BLZF1: variants seen among roughly 807,000 people sequenced by gnomAD.
The protein encoded by BLZF1 is golgin-45.
BLZF1 carries 39 observed loss-of-function variants against 43.8 expected under a neutral mutation model. That is an observed-to-expected ratio of 0.89 (90% CI 0.69 to 1.16). BLZF1 has a LOEUF of 1.16. Ranked by LOEUF, BLZF1 falls within the 50% of genes most tolerant of loss-of-function variation. The pLI is 0.00. For synonymous variants in BLZF1, 136 were observed against 159.4 expected (o/e 0.85, Z 1.11); for missense variants, 449 against 469.8 (o/e 0.96, Z 0.41).
At chr1:169,377,156 TA>T in intron 3 of BLZF1, 177 bp downstream of exon 3, 1 of 626,246 alleles carries the variant, frequency 1.6e-6, no homozygotes, top group South Asian at 2.1e-5. Context: ...GGATACTTTA[TA>T]TTGGGAACTT....
At chr1:169,385,915 G>A (rs772449278) in intron 6 of BLZF1, among the ~76,000 whole-genome samples, 11 of 152,172 alleles carry the variant, frequency 7.2e-5, no homozygotes, top group Non-Finnish European at 1.3e-4. Flanking sequence ...AAGAAAGAGA[G>A]AAAGCACTTT....
chr1:169,391,412 G>GC (rs1654811903), downstream of BLZF1, among the ~76,000 whole-genome samples: 1 of 152,152 alleles, frequency 6.6e-6, no homozygotes, highest in South Asian at 2.1e-4. Context: ...CTGTCTCCTT[G>GC]CAAGCCACTG....
chr1:169,389,246 A>G (rs1028671565), downstream of BLZF1, among the ~76,000 whole-genome samples: 2 of 152,122 alleles, frequency 1.3e-5, no homozygotes, highest in African/African-American at 4.8e-5. Context: ...GTGAGCCGAG[A>G]TCGCGCCATT....
downstream of BLZF1, among the ~76,000 whole-genome samples, chr1:169,390,369 CAA>C (rs1355930046): frequency 4.6e-5 from 7 of 151,806 alleles, no homozygotes; most frequent in Non-Finnish European, 7.4e-5. Context: ...AATAGAAAAA[CAA>C]GAGAGATCAA....
intron 4 of BLZF1, among the ~76,000 whole-genome samples, chr1:169,380,142 A>C (rs1368650046): frequency 1.3e-5 from 2 of 151,874 alleles, no homozygotes; most frequent in South Asian, 4.1e-4. Flanking sequence ...TTGTCTCTTT[A>C]AGTTTTTCTG....
chr1:169,382,201 A>G lies in BLZF1; in HGVS notation c.937A>G (p.Asn313Asp), dbSNP rs1404526913. Reference protein sequence around the residue: ...AKAVNSHLLGNVGINNQKKIP... With the variant: ...AKAVNSHLLGDVGINNQKKIP... The stretch of plus-strand genomic sequence containing the variant: ...AGCAGTAAATTCTCATCTTCTGGGA[A>G]ATGTTGGCATTAACAATCAAAAAAA... Residue 313 changes from asparagine to aspartate, a missense_variant, in exon 6 of 7, where the codon AAT becomes GAT. Transcript: ENST00000367808. The G allele has an allele frequency of 2.5e-6, 4 of 1,613,808 alleles. No homozygotes were observed. Among genetic ancestry groups the G allele is most frequent in the Non-Finnish European group, 3.4e-6 (4 of 1,179,712 alleles).
chr1:169,389,183 A>G (rs1654757130), downstream of BLZF1, among the ~76,000 whole-genome samples: 1 of 150,646 alleles, frequency 6.6e-6, no homozygotes, highest in African/African-American at 2.4e-5. Context: ...ATACCCAGCT[A>G]CTGGAGAGGG....
At chr1:169,375,588 T>C (rs1654292494) in intron 2 of BLZF1, among the ~76,000 whole-genome samples, 1 of 150,654 alleles carries the variant, frequency 6.6e-6, no homozygotes, top group South Asian at 2.1e-4. Flanking sequence ...TATCTTTTTA[T>C]ATGTATGTTC....
intron 2 of BLZF1, among the ~76,000 whole-genome samples, chr1:169,372,012 T>C (rs3766095): frequency 0.67 from 101,662 of 152,046 alleles, 34,209 homozygotes; most frequent in East Asian, 0.93. Context: ...CTAATGTACA[T>C]TGAAACTCTG....
intron 7 of BLZF1, among the ~76,000 whole-genome samples, chr1:169,393,573 T>G (rs1322143448): frequency 1.4e-5 from 2 of 145,966 alleles, no homozygotes; most frequent in African/African-American, 2.5e-5. Context: ...TGGGAGACTG[T>G]GAGACTGTCT....
chr1:169,378,538 T>C lies in BLZF1; in HGVS notation c.668+9T>C. 6.2e-7 allele frequency: 1 copy of C among 1,610,570 alleles called. No homozygotes were observed. Among genetic ancestry groups the C allele is most frequent in the Non-Finnish European group, 8.5e-7 (1 of 1,177,402 alleles). On this transcript the variant is annotated intron_variant, in intron 4 of 6. Transcript: ENST00000367808. ...AAATTCCTTGCAAGCAGGTATTTTC[T>C]ACAGCAAATAGTATTTCACTTCCTA... is the stretch of plus-strand genomic sequence containing the variant.
At chr1:169,382,525 G>T (rs1654556196) in intron 6 of BLZF1, among the ~76,000 whole-genome samples, 1 of 152,122 alleles carries the variant, frequency 6.6e-6, no homozygotes, top group Non-Finnish European at 1.5e-5. Flanking sequence ...CTATGTTTTA[G>T]CTATTAAGTC....
At chr1:169,390,368 ACAAGAGAGAT>A (rs926132408), downstream of BLZF1, among the ~76,000 whole-genome samples, 47 of 152,272 alleles carry the variant, frequency 3.1e-4, no homozygotes, top group African/African-American at 9.1e-4. Context: ...GAATAGAAAA[ACAAGAGAGAT>A]CAAAGAAGTC....
intron 2 of BLZF1, among the ~76,000 whole-genome samples, chr1:169,375,391 A>AAAATATATATAT (rs1557846915): frequency 3.9e-5 from 2 of 51,842 alleles, no homozygotes; most frequent in African/African-American, 7.9e-5. Context: ...ATATATATAA[A>AAAATATATATAT]ACATATATAT....
chr1:169,378,374 T>A lies in BLZF1; in HGVS notation c.513T>A (p.Asp171Glu). The stretch of plus-strand genomic sequence containing the variant: ...AGTTACTGGTGGCTTCTGTTGGGGA[T>A]GATCTTCAGTATCACTTTGAACGTC... ...LKKLLVASVG[D>E]DLQYHFERLA... is the part of the protein sequence containing the mutation. The change falls in exon 4 of 7, where the codon GAT becomes GAA. Residue 171 changes from aspartate to glutamate, a missense_variant. Physicochemically the swap from Asp to Glu is conservative, Grantham distance 45. Transcript: ENST00000367808. The A allele has an allele frequency of 6.2e-7, 1 of 1,612,968 alleles. No individual in the cohort carries two copies. Among genetic ancestry groups the A allele is most frequent in the East Asian group, 2.2e-5 (1 of 44,848 alleles).
At chr1:169,388,816 C>T (rs368440343), downstream of BLZF1, among the ~76,000 whole-genome samples, 1 of 151,954 alleles carries the variant, frequency 6.6e-6, no homozygotes, top group African/African-American at 2.4e-5. Flanking sequence ...GAAACCCCAT[C>T]TCTACTAAGA....
chr1:169,381,234 A>G (rs2102015815), intron 5 of BLZF1, among the ~76,000 whole-genome samples: 1 of 152,238 alleles, frequency 6.6e-6, no homozygotes, highest in South Asian at 2.1e-4. Flanking sequence ...CATAAAAAAG[A>G]TAATACAGAA....
rs1162073100 is a variant in BLZF1, at chr1:169,382,272, G to A, written c.1008G>A (p.Met336Ile). 4 of 1,612,690 alleles carry A rather than the reference G, an allele frequency of 2.5e-6. No homozygotes were observed. Among genetic ancestry groups the A allele is most frequent in the Admixed American group, 3.3e-5 (2 of 59,854 alleles). Residue 336 changes from methionine (M) to isoleucine (I), a missense_variant, in exon 6 of 7, where the codon ATG becomes ATA. Physicochemically the swap from Met to Ile is conservative, Grantham distance 10. Transcript: ENST00000367808. ...TCTGCAGCACCCCAGCTGAGAAAAT[G>A]GCTGAAACGGTAAAATATTTTCTTT... Reference protein sequence around the residue: ...VEFCSTPAEKMAETVLRILDP... With the variant: ...VEFCSTPAEKIAETVLRILDP...
At chr1:169,393,390 C>G (rs895626398) in intron 7 of BLZF1, among the ~76,000 whole-genome samples, 2 of 151,584 alleles carry the variant, frequency 1.3e-5, no homozygotes, top group South Asian at 2.1e-4. Context: ...GAGTTTGAGA[C>G]CAGCCTGACC....
Sources: gnomAD v4.1 joint callset for allele counts (sites outside exome capture counted in the v4.1 genomes callset) on GRCh38, gnomAD v4.1.1 for gene constraint, MANE v1.5 for transcripts, NCBI Gene and HGNC (gene_info 2026-07-23, HGNC 2026-07-21) for gene names.